COL19A1: variants seen among roughly 807,000 people sequenced by gnomAD.
COL19A1 encodes collagen alpha-1(XIX) chain.
COL19A1 carries 159 observed loss-of-function variants against 190.2 expected under a neutral mutation model. That is an observed-to-expected ratio of 0.84 (90% CI 0.73 to 0.95). The LOEUF is 0.95. Ranked by LOEUF, COL19A1 falls within the 40% of genes least tolerant of loss-of-function variation. The pLI is 0.00. For missense variants in COL19A1, 1,418 were observed against 1,431.9 expected, an observed-to-expected ratio of 0.99 and a Z score of 0.16; for synonymous variants, 509 against 458.9, an observed-to-expected ratio of 1.11 and a Z score of -1.39.
At chr6:69,997,830 A>G (rs1175026611) in intron 11 of COL19A1, among the ~76,000 whole-genome samples, 1 of 152,178 alleles carries the variant, frequency 6.6e-6, no homozygotes, top group African/African-American at 2.4e-5. Flanking sequence ...AGCAAGAGCC[A>G]AACACTTCTG....
chr6:69,977,417 G>A (rs1174080935), intron 11 of COL19A1, among the ~76,000 whole-genome samples: 72 of 137,028 alleles, frequency 5.3e-4, no homozygotes, highest in Middle Eastern at 3.8e-3. Context: ...CTGTTGTGGG[G>A]TGGGGGGAGG....
intron 9 of COL19A1, among the ~76,000 whole-genome samples, chr6:69,957,556 T>C (rs1324497729): frequency 6.6e-6 from 1 of 151,812 alleles, no homozygotes; most frequent in Non-Finnish European, 1.5e-5. Flanking sequence ...AACCCCGTAA[T>C]GAAAAAAAAA....
At chr6:69,879,491 C>A in intron 1 of COL19A1, 45 bp from the exon 2 acceptor site, 1 of 1,077,040 alleles carries the variant, frequency 9.3e-7, no homozygotes, top group Non-Finnish European at 1.4e-6. Flanking sequence ...TTGAAAGGAG[C>A]TGCATACAAT....
At chr6:70,058,800 A>T (rs1582803282) in intron 14 of COL19A1, among the ~76,000 whole-genome samples, 1 of 152,090 alleles carries the variant, frequency 6.6e-6, no homozygotes, top group Non-Finnish European at 1.5e-5. Flanking sequence ...AAATTATGGC[A>T]CTAATAGAGA....
intron 11 of COL19A1, among the ~76,000 whole-genome samples, chr6:69,968,551 CT>C (rs1775249623): frequency 6.6e-6 from 1 of 152,144 alleles, no homozygotes; most frequent in African/African-American, 2.4e-5. Flanking sequence ...AAAATATTGA[CT>C]TCTAGCATTA....
chr6:70,030,955 G>T (rs185255675), intron 12 of COL19A1, among the ~76,000 whole-genome samples: 1 of 152,292 alleles, frequency 6.6e-6, no homozygotes, highest in Non-Finnish European at 1.5e-5. Context: ...CCCATAATTT[G>T]TGTTCCACGT....
At chr6:70,166,248 A>G (rs1371736760) in intron 37 of COL19A1, among the ~76,000 whole-genome samples, 1 of 152,064 alleles carries the variant, frequency 6.6e-6, no homozygotes, top group East Asian at 1.9e-4. Flanking sequence ...CCGACTCTCC[A>G]CTTCCTGGCT....
intron 14 of COL19A1, among the ~76,000 whole-genome samples, chr6:70,049,159 C>T (rs529038484): frequency 2.0e-5 from 3 of 151,990 alleles, no homozygotes; most frequent in Non-Finnish European, 4.4e-5. Flanking sequence ...AAATTTGAAT[C>T]AACACTATTA....
chr6:69,949,704 C>G (rs540402425), intron 9 of COL19A1, among the ~76,000 whole-genome samples: 1 of 151,990 alleles, frequency 6.6e-6, no homozygotes, highest in South Asian at 2.1e-4. Context: ...TTTGCTTCAA[C>G]GTGAAATATG....
intron 28 of COL19A1, 51 bp from the exon 29 acceptor site, chr6:70,149,800 A>G: frequency 6.2e-7 from 1 of 1,613,468 alleles, no homozygotes; most frequent in Non-Finnish European, 8.5e-7. Flanking sequence ...GGGGGAAATG[A>G]CTGAAAGACC....
At chr6:70,002,155 G>A (rs557345779) in intron 11 of COL19A1, among the ~76,000 whole-genome samples, 61 of 152,126 alleles carry the variant, frequency 4.0e-4, no homozygotes, top group Non-Finnish European at 7.4e-4. Flanking sequence ...CTGTTTATGT[G>A]ATGGATTTCA....
intron 12 of COL19A1, among the ~76,000 whole-genome samples, chr6:70,032,280 A>C (rs567629781): frequency 4.2e-4 from 64 of 152,288 alleles, no homozygotes; most frequent in Middle Eastern, 3.4e-3. Context: ...ATACTTAGCA[A>C]GATTCTTGCT....
rs751493605 is a variant in COL19A1, at chr6:70,149,854, C to A, written c.1933C>A (p.Pro645Thr). 4 of 1,613,506 alleles carry A rather than the reference C, an allele frequency of 2.5e-6. No homozygotes were observed. The African/African-American group carries it at 5.3e-5, about 22-fold the overall frequency. The change falls in exon 29 of 51, where the codon CCT (proline) becomes ACT (threonine). Residue 645 changes from proline to threonine, a missense_variant. Physicochemically the swap from Pro to Thr is conservative, Grantham distance 38. Transcript: ENST00000620364. ...GPAGEPGIQGPRGLPGLPGTP... is the reference protein window; with the variant it reads ...GPAGEPGIQGTRGLPGLPGTP... ...TTTTATTTCCCTCCTTTTCCAGGGTCCTCGAGGTCTCCCTGGGTTGCCAGG... is the reference window on the plus strand; with the variant it reads ...TTTTATTTCCCTCCTTTTCCAGGGTACTCGAGGTCTCCCTGGGTTGCCAGG...
chr6:70,175,176 T>G (rs529794423), intron 41 of COL19A1, among the ~76,000 whole-genome samples: 1 of 152,354 alleles, frequency 6.6e-6, no homozygotes, highest in South Asian at 2.1e-4. Context: ...TTCTTTTTGA[T>G]GATGGCTATG....
chr6:70,161,339 G>C (rs754063150), intron 34 of COL19A1, among the ~76,000 whole-genome samples: 1 of 152,114 alleles, frequency 6.6e-6, no homozygotes, highest in Non-Finnish European at 1.5e-5. Context: ...TGTTTTACCA[G>C]TACGAGATTC....
rs552879381 is a variant in COL19A1, at chr6:69,895,688, T to C, written c.92-3260T>C. On this transcript the variant is annotated intron_variant, in intron 2 of 50. Transcript: ENST00000620364. ...ACCTCAGTGGGCGGGCTGGTTGGAG[T>C]TTCTCCAGGGACCCCCTCCCACTTG... Among the ~76,000 whole-genome samples, 73 of 152,242 alleles carry C rather than the reference T, an allele frequency of 4.8e-4. 1 individual carries two copies. The highest frequency in any genetic ancestry group is 3.4e-3 in the Middle Eastern group (1 of 294).
At chr6:69,927,008 C>G (rs1439539144) in intron 4 of COL19A1, among the ~76,000 whole-genome samples, 2 of 152,014 alleles carry the variant, frequency 1.3e-5, no homozygotes, top group Non-Finnish European at 2.9e-5. Flanking sequence ...ATCAAGAATT[C>G]TATATCCAGC....
intron 9 of COL19A1, among the ~76,000 whole-genome samples, chr6:69,955,914 A>T (rs1774395598): frequency 6.6e-6 from 1 of 151,870 alleles, no homozygotes; most frequent in Non-Finnish European, 1.5e-5. Context: ...CACACAGTGA[A>T]TTTTTTTTCT....
chr6:70,197,214 A>T lies in COL19A1; in HGVS notation c.3095-2394A>T, dbSNP rs565655557. Among the ~76,000 whole-genome samples the T allele has an allele frequency of 3.9e-5, 6 of 151,918 alleles. No individual in the cohort carries two copies. The East Asian group carries it at 1.2e-3, about 30-fold the overall frequency. ...GGTGGGTGGATCACGAGGTCAGGAG[A>T]TCGAGACCATTCTGGCTGACACGGT... is the stretch of plus-strand genomic sequence containing the variant. On this transcript the variant is annotated intron_variant, in intron 48 of 50. Transcript: ENST00000620364.
Sources: allele counts gnomAD v4.1 joint callset (sites outside exome capture counted in the v4.1 genomes callset), GRCh38; gene constraint gnomAD v4.1.1; transcripts MANE v1.5; gene names NCBI Gene and HGNC (gene_info 2026-07-23, HGNC 2026-07-21).